CATSPER3: variants seen among roughly 807,000 people sequenced by gnomAD.
CATSPER3 encodes cation channel sperm associated 3, also known as cation channel sperm-associated protein 3.
In CATSPER3, 23 loss-of-function variants were observed where a neutral mutation model predicts 36.6. That is an observed-to-expected ratio of 0.63 (90% confidence interval 0.45 to 0.89). CATSPER3 has a LOEUF of 0.89. CATSPER3 is among the 40% of genes least tolerant of loss of function. The probability of loss-of-function intolerance (pLI) is 0.00; values close to 1 mark genes in which losing one functional copy is unlikely to be tolerated. For missense variants in CATSPER3, 474 were observed against 503.9 expected (o/e 0.94, Z 0.57); for synonymous variants, 172 against 184.1 (o/e 0.93, Z 0.53).
At chr5:135,001,716 A>G (rs1199128596) in intron 3 of CATSPER3, among the ~76,000 whole-genome samples, 6 of 152,180 alleles carry the variant, frequency 3.9e-5, no homozygotes, top group Non-Finnish European at 4.4e-5. Flanking sequence ...CCATTATGTA[A>G]TGGCCTTCTT....
intron 2 of CATSPER3, among the ~76,000 whole-genome samples, chr5:134,982,578 G>A (rs1751763176): frequency 6.6e-6 from 1 of 152,176 alleles, no homozygotes; most frequent in Admixed American, 6.6e-5. Flanking sequence ...TACTGTCAAT[G>A]AGAAATACTG....
At position 135,007,110 on chromosome 5, in the gene CATSPER3, C is replaced by A. The variant is rs762489720; in HGVS notation, c.493-847C>A. On this transcript the variant is annotated intron_variant, in intron 3 of 7. Coordinates refer to ENST00000282611, the MANE Select transcript of CATSPER3 (RefSeq NM_178019.3). Reference sequence around the variant, plus strand: ...CTAGTACTAAGCCAGTAAACAGTCTCTGTGCTCAGGGTCATTAGTGGTTGA... The same window carrying A: ...CTAGTACTAAGCCAGTAAACAGTCTATGTGCTCAGGGTCATTAGTGGTTGA... Among the ~76,000 whole-genome samples the A allele has an allele frequency of 2.6e-5, 4 of 152,298 alleles. No homozygotes were observed. The South Asian group carries it at 8.3e-4, about 32-fold the overall frequency.
At chr5:134,998,332 G>A (rs188279873) in intron 3 of CATSPER3, among the ~76,000 whole-genome samples, 222 of 151,844 alleles carry the variant, frequency 1.5e-3, no homozygotes, top group African/African-American at 5.0e-3. Flanking sequence ...ATGGGCATTC[G>A]GGTTGGTTCC....
chr5:134,996,459 G>A lies in CATSPER3; in HGVS notation c.439G>A (p.Gly147Ser), dbSNP rs1561462367. The A allele has an allele frequency of 6.2e-7, 1 of 1,614,144 alleles. No individual in the cohort carries two copies. Among genetic ancestry groups the A allele is most frequent in the Non-Finnish European group, 8.5e-7 (1 of 1,179,978 alleles). ...KQFTYLYIAD[G>S]MQSLRILKLI... ...GTTCACTTACCTGTATATCGCTGAT[G>A]GCATGCAGTCCCTGCGCATCCTCAA... The change falls in exon 3 of 8, where the codon GGC (glycine) becomes AGC (serine). Residue 147 changes from glycine (G) to serine (S), a missense_variant. Physicochemically the swap from Gly to Ser is moderately conservative, Grantham distance 56. Transcript: ENST00000282611.
chr5:134,998,234 A>G (rs1049384765), intron 3 of CATSPER3, among the ~76,000 whole-genome samples: 2 of 152,186 alleles, frequency 1.3e-5, no homozygotes, highest in African/African-American at 2.4e-5. Context: ...CCATGTCCCT[A>G]CAAACGACAT....
At chr5:135,010,618 T>C in intron 7 of CATSPER3, 88 bp downstream of exon 7, 4 of 1,155,870 alleles carry the variant, frequency 3.5e-6, no homozygotes, top group Non-Finnish European at 5.2e-6. Context: ...AAGGGGGTGA[T>C]GACTGAAGTG....
chr5:135,011,593 C>G lies in CATSPER3; in HGVS notation c.1167C>G (p.Pro389=), dbSNP rs1424947324. Residue 389 remains proline, a synonymous_variant, in exon 8 of 8, where the codon CCC becomes CCG. Transcript: ENST00000282611. ...TGGAAGACTTGCCCCAGGAGAAGCC[C>G]CAGTCCTTGGAAAAGGTGGATGAGA... The part of the protein sequence containing the change: ...LMLEDLPQEK[P]QSLEKVDEK 2.5e-6 allele frequency: 4 copies of G among 1,613,876 alleles called. No individual in the cohort carries two copies. In the African/African-American group the frequency reaches 5.3e-5, roughly 22 times the overall value.
intron 3 of CATSPER3, 36 bp downstream of exon 3, chr5:134,996,548 CAGGCCGT>C: frequency 1.2e-6 from 2 of 1,610,078 alleles, no homozygotes; most frequent in Middle Eastern, 1.8e-4. Flanking sequence ...GCTGGGAGGG[CAGGCCGT>C]AGGCCCATTT....
intron 2 of CATSPER3, among the ~76,000 whole-genome samples, chr5:134,978,751 G>A (rs1357181129): frequency 1.4e-5 from 2 of 147,916 alleles, no homozygotes; most frequent in Non-Finnish European, 1.5e-5. Context: ...ACAGAGTCTT[G>A]CTCTGTTGCC....
At chr5:134,971,830 C>A (rs1170883684) in intron 2 of CATSPER3, among the ~76,000 whole-genome samples, 2 of 152,100 alleles carry the variant, frequency 1.3e-5, no homozygotes, top group Admixed American at 6.6e-5. Flanking sequence ...AGAGAAGGTT[C>A]AGATAAAATT....
intron 2 of CATSPER3, among the ~76,000 whole-genome samples, chr5:134,981,145 CCT>C (rs914230717): frequency 1.3e-5 from 2 of 150,834 alleles, no homozygotes; most frequent in African/African-American, 4.9e-5. Flanking sequence ...TTCCCCAAAC[CCT>C]CTCTCTCTCT....
chr5:134,972,083 A>G (rs1462558708), intron 2 of CATSPER3, among the ~76,000 whole-genome samples: 1 of 152,210 alleles, frequency 6.6e-6, no homozygotes, highest in Non-Finnish European at 1.5e-5. Flanking sequence ...AATGAGGTAG[A>G]GAATAATCCC....
chr5:134,974,085 A>G lies in CATSPER3; in HGVS notation c.252+3993A>G, dbSNP rs561271688. Among the ~76,000 whole-genome samples, 3 of 152,324 alleles carry G rather than the reference A, an allele frequency of 2.0e-5. No homozygotes were observed. In the East Asian group the frequency reaches 5.8e-4, roughly 29 times the overall value. On this transcript the variant is annotated intron_variant, in intron 2 of 7. Transcript: ENST00000282611. ...GTTATTGATCTAGGCACTGAGCATC[A>G]ATGAAAAGAGAGACAACCAGAAATT...
chr5:134,974,064 T>C (rs556369459), intron 2 of CATSPER3, among the ~76,000 whole-genome samples: 142 of 152,324 alleles, frequency 9.3e-4, no homozygotes, highest in Middle Eastern at 3.4e-3. Flanking sequence ...AAAGAAGTTA[T>C]TGATCTAGGC....
intron 2 of CATSPER3, among the ~76,000 whole-genome samples, chr5:134,981,384 G>T (rs1255336639): frequency 2.0e-5 from 3 of 152,088 alleles, no homozygotes; most frequent in Non-Finnish European, 4.4e-5. Context: ...TACTTGGGAG[G>T]CTGAGGTAGG....
chr5:134,976,206 A>G (rs770837264), intron 2 of CATSPER3, among the ~76,000 whole-genome samples: 8 of 152,226 alleles, frequency 5.3e-5, no homozygotes, highest in Non-Finnish European at 1.2e-4. Flanking sequence ...TAGTACCAGC[A>G]TCTGCTTCTG....
chr5:135,005,906 C>T (rs1299779092), intron 3 of CATSPER3, among the ~76,000 whole-genome samples: 2 of 152,184 alleles, frequency 1.3e-5, no homozygotes, highest in East Asian at 1.9e-4. Flanking sequence ...AGGGGTCCCT[C>T]CAAGCACTGG....
At chr5:135,011,379 A>G in intron 7 of CATSPER3, 142 bp from the exon 8 acceptor site, 1 of 708,966 alleles carries the variant, frequency 1.4e-6, no homozygotes, top group South Asian at 1.5e-5. Context: ...CAAGATTCCA[A>G]CCCAGCCTCA....
Position 134,970,063 on chromosome 5 carries a change from A to T in CATSPER3, c.223A>T (p.Ile75Leu), listed in dbSNP as rs143170274. Reference sequence around the variant, plus strand: ...TATGGCCTTGTGGACCAGTTATGACATAAGGTACCGCTTGTTCAGACTTCT... The same window carrying T: ...TATGGCCTTGTGGACCAGTTATGACTTAAGGTACCGCTTGTTCAGACTTCT... ...FFMALWTSYD[I>L]RYRLFRLLEF... The change falls in exon 2 of 8, where the codon ATA becomes TTA. Residue 75 changes from isoleucine (I) to leucine (L), a missense_variant. Physicochemically the swap from Ile to Leu is conservative, Grantham distance 5. Coordinates refer to ENST00000282611, the MANE Select transcript of CATSPER3 (RefSeq NM_178019.3). 6.2e-7 allele frequency: 1 copy of T among 1,614,030 alleles called. No individual in the cohort carries two copies. Among genetic ancestry groups the T allele is most frequent in the South Asian group, 1.1e-5 (1 of 91,088 alleles).
Sources: allele counts gnomAD v4.1 joint callset (sites outside exome capture counted in the v4.1 genomes callset), GRCh38; gene constraint gnomAD v4.1.1; transcripts MANE v1.5; gene names NCBI Gene and HGNC (gene_info 2026-07-23, HGNC 2026-07-21).